Variants in NRF1 observed in about 807,000 individuals in gnomAD.
The protein encoded by NRF1 is alpha palindromic-binding protein.
A neutral mutation model predicts 58.5 loss-of-function variants in NRF1; 5 were observed. The ratio of observed to expected loss-of-function variants is 0.09; its 90% CI spans 0.04 to 0.18. NRF1 has a LOEUF of 0.18. Among genes scored for constraint, NRF1 ranks in the 10% least tolerant of loss-of-function variants. NRF1 has a pLI of 1.00. For synonymous variants in NRF1, 224 were observed against 246.7 expected, an observed-to-expected ratio of 0.91 and a Z score of 0.86; for missense variants, 288 against 657.7, an observed-to-expected ratio of 0.44 and a Z score of 6.15.
intron 1 of NRF1, among the ~76,000 whole-genome samples, chr7:129,623,840 T>TC (rs1413541703): frequency 6.6e-6 from 1 of 152,238 alleles, no homozygotes; most frequent in African/African-American, 2.4e-5. Context: ...TAAGATCTTT[T>TC]CCAAAAGAAG....
intron 3 of NRF1, among the ~76,000 whole-genome samples, chr7:129,676,721 A>G (rs1372119415): frequency 6.6e-6 from 1 of 152,236 alleles, no homozygotes; most frequent in Non-Finnish European, 1.5e-5. Context: ...AAGTGAGCAC[A>G]TGCTGTTGGA....
At chr7:129,620,712 G>A (rs1425875641) in intron 1 of NRF1, among the ~76,000 whole-genome samples, 2 of 152,132 alleles carry the variant, frequency 1.3e-5, no homozygotes, top group Non-Finnish European at 2.9e-5. Flanking sequence ...TAAAGGGAAA[G>A]TGTTTTGAAA....
At chr7:129,737,433 G>A (rs2116284394) in intron 10 of NRF1, among the ~76,000 whole-genome samples, 1 of 152,282 alleles carries the variant, frequency 6.6e-6, no homozygotes. Context: ...ATCATGAAAG[G>A]TAGCTTTTGC....
At chr7:129,696,268 T>C (rs1486696661) in intron 5 of NRF1, among the ~76,000 whole-genome samples, 1 of 151,952 alleles carries the variant, frequency 6.6e-6, no homozygotes, top group Non-Finnish European at 1.5e-5. Flanking sequence ...AATAAATAAA[T>C]AAAGTGCAAA....
chr7:129,664,634 A>T (rs945535914), intron 2 of NRF1, among the ~76,000 whole-genome samples: 1 of 152,214 alleles, frequency 6.6e-6, no homozygotes, highest in East Asian at 1.9e-4. Flanking sequence ...CTGCTTTTCT[A>T]TGAAGGAAGA....
intron 4 of NRF1, among the ~76,000 whole-genome samples, chr7:129,682,043 C>T (rs1802324294): frequency 6.6e-6 from 1 of 151,490 alleles, no homozygotes; most frequent in African/African-American, 2.4e-5. Flanking sequence ...AATGATGCCA[C>T]TGCACTCCAG....
In NRF1 at chr7:129,755,450, G is replaced by A. The variant is rs934633031; in HGVS notation, c.*269G>A. On this transcript the variant is annotated 3_prime_UTR_variant, in exon 11 of 11. Coordinates refer to ENST00000393232, the MANE Select transcript of NRF1 (RefSeq NM_005011.5). The surrounding 1 kb of genome is among the most constrained non-coding windows in gnomAD (Gnocchi z 5.8). ...GCAGGACTTCTTTCTGCGGAAATGT[G>A]TGTGTATACTTATGTGTGTGTATGT... 1 of 367,264 alleles carries A rather than the reference G, an allele frequency of 2.7e-6. No individual in the cohort carries two copies. Among genetic ancestry groups the A allele is most frequent in the Non-Finnish European group, 5.0e-6 (1 of 199,788 alleles). The allele number at this position is 367,264 out of a possible 1,614,324, so 22.8% of individuals were successfully genotyped here. A position where few individuals can be genotyped will look rare whatever the true frequency, so the allele number is the denominator to read the frequency against.
At chr7:129,650,028 C>T (rs912460081) in intron 1 of NRF1, among the ~76,000 whole-genome samples, 3 of 152,122 alleles carry the variant, frequency 2.0e-5, no homozygotes, top group Non-Finnish European at 4.4e-5. Flanking sequence ...GCTGGGATTA[C>T]GAGTGTGAGC....
At chr7:129,664,374 CA>C (rs1801873649) in intron 2 of NRF1, among the ~76,000 whole-genome samples, 1 of 151,958 alleles carries the variant, frequency 6.6e-6, no homozygotes, top group Non-Finnish European at 1.5e-5. Context: ...AAAAGCTAGA[CA>C]AGAAATTAAT....
chr7:129,711,081 C>T (rs1291209929), intron 7 of NRF1, among the ~76,000 whole-genome samples: 1 of 152,074 alleles, frequency 6.6e-6, no homozygotes, highest in African/African-American at 2.4e-5. Flanking sequence ...CCATGTCTGG[C>T]CTTAAAATGA....
intron 1 of NRF1, among the ~76,000 whole-genome samples, chr7:129,645,758 A>G (rs754722575): frequency 2.0e-5 from 3 of 152,186 alleles, no homozygotes; most frequent in East Asian, 1.9e-4. Context: ...ACTCACAAAC[A>G]TAAGTTTGTG....
intron 2 of NRF1, among the ~76,000 whole-genome samples, chr7:129,670,381 T>C (rs1485887858): frequency 1.3e-5 from 2 of 152,258 alleles, no homozygotes; most frequent in African/African-American, 4.8e-5. Context: ...CATAAAATTT[T>C]TTCTGTAACA....
intron 1 of NRF1, among the ~76,000 whole-genome samples, chr7:129,628,322 A>G (rs576143973): frequency 2.0e-5 from 3 of 148,660 alleles, no homozygotes; most frequent in African/African-American, 7.4e-5. Context: ...TGCTCTCCTG[A>G]CCCTTTTACT....
At chr7:129,750,195 TAATC>T (rs1238364891) in intron 10 of NRF1, among the ~76,000 whole-genome samples, 5 of 152,166 alleles carry the variant, frequency 3.3e-5, no homozygotes, top group Non-Finnish European at 7.3e-5. Context: ...TCCTGTTGCT[TAATC>T]AATCGAAATG....
At chr7:129,698,961 CAGGCAAA>C (rs1446527419) in intron 5 of NRF1, among the ~76,000 whole-genome samples, 8 of 152,166 alleles carry the variant, frequency 5.3e-5, no homozygotes, top group African/African-American at 1.7e-4. Context: ...AGAAGACATC[CAGGCAAA>C]GATATAATTA....
chr7:129,755,445 AATGTGTGTGT>A lies in NRF1; in HGVS notation c.*267_*276del. ...TTGTGGCAGGACTTCTTTCTGCGGA[AATGTGTGTGT>A]ATACTTATGTGTGTGTATGTGTGAG... On this transcript the variant is annotated 3_prime_UTR_variant, in exon 11 of 11. Coordinates refer to ENST00000393232, the MANE Select transcript of NRF1 (RefSeq NM_005011.5). The surrounding 1 kb of genome is among the most constrained non-coding windows in gnomAD (Gnocchi z 5.8). 2.6e-6 allele frequency: 1 copy of A among 380,634 alleles called. No individual in the cohort carries two copies. Among genetic ancestry groups the A allele is most frequent in the South Asian group, 2.8e-5 (1 of 35,376 alleles). The allele number at this position is 380,634 out of a possible 1,614,324, so 23.6% of individuals were successfully genotyped here. A position where few individuals can be genotyped will look rare whatever the true frequency, so the allele number is the denominator to read the frequency against.
At chr7:129,631,999 G>A (rs979882476) in intron 1 of NRF1, among the ~76,000 whole-genome samples, 1 of 152,166 alleles carries the variant, frequency 6.6e-6, no homozygotes, top group African/African-American at 2.4e-5. Flanking sequence ...TATATGCCAG[G>A]CTTAGTGGCT....
intron 1 of NRF1, among the ~76,000 whole-genome samples, chr7:129,625,704 CGG>C (rs1191776107): frequency 1.1e-5 from 1 of 90,296 alleles, no homozygotes; most frequent in African/African-American, 4.3e-5. Context: ...TTTTTTGAGA[CGG>C]AGTCTCGCTC....
At chr7:129,740,650 T>C (rs1803825409) in intron 10 of NRF1, among the ~76,000 whole-genome samples, 1 of 152,224 alleles carries the variant, frequency 6.6e-6, no homozygotes, top group African/African-American at 2.4e-5. Context: ...GCAGAGATGC[T>C]GAGCTGTGGA....
Sources: allele counts gnomAD v4.1 joint callset (sites outside exome capture counted in the v4.1 genomes callset), GRCh38; gene constraint gnomAD v4.1.1; non-coding constraint Gnocchi (gnomAD v3.1); transcripts MANE v1.5; gene names NCBI Gene and HGNC (gene_info 2026-07-23, HGNC 2026-07-21).